UBE2D1: variants seen among roughly 807,000 people sequenced by gnomAD.
UBE2D1 encodes ubiquitin-conjugating enzyme E2 D1.
UBE2D1 carries 9 observed loss-of-function variants against 24.6 expected under a neutral mutation model. That is an observed-to-expected ratio of 0.37 (90% confidence interval 0.22 to 0.64). UBE2D1 has a LOEUF of 0.64. UBE2D1 is among the 30% of genes least tolerant of loss of function. The probability of loss-of-function intolerance (pLI) is 0.64; values close to 1 mark genes in which losing one functional copy is unlikely to be tolerated. For synonymous variants in UBE2D1, 57 were observed against 57.6 expected (o/e 0.99, Z 0.04); for missense variants, 87 against 177.1 (o/e 0.49, Z 2.89).
chr10:58,361,648 A>G, intron 3 of UBE2D1, 122 bp downstream of exon 3: 2 of 1,308,844 alleles, frequency 1.5e-6, no homozygotes. Flanking sequence ...TCACCTAGGA[A>G]GCAAAATATT....
At chr10:58,365,657 A>G (rs1840248120) in intron 5 of UBE2D1, among the ~76,000 whole-genome samples, 2 of 152,188 alleles carry the variant, frequency 1.3e-5, no homozygotes, top group South Asian at 4.1e-4. Context: ...AGCCACTGCT[A>G]CTTACTGTGC....
intron 1 of UBE2D1, among the ~76,000 whole-genome samples, chr10:58,346,010 CT>C (rs972974578): frequency 0.058 from 7,940 of 136,428 alleles, 365 homozygotes; most frequent in African/African-American, 0.14. Flanking sequence ...GGAGCTAATA[CT>C]TTTTTTTTTT....
chr10:58,350,517 A>G (rs1242091278), intron 1 of UBE2D1, among the ~76,000 whole-genome samples: 2 of 152,202 alleles, frequency 1.3e-5, no homozygotes, highest in African/African-American at 4.8e-5. Flanking sequence ...TGTCAGATAC[A>G]TGTAATATTG....
chr10:58,342,734 CTGT>C (rs1839974347), intron 1 of UBE2D1, among the ~76,000 whole-genome samples: 1 of 150,830 alleles, frequency 6.6e-6, no homozygotes, highest in Non-Finnish European at 1.5e-5. Context: ...AGATAGCTTT[CTGT>C]TGTTGATTTC....
intron 1 of UBE2D1, among the ~76,000 whole-genome samples, chr10:58,351,000 A>C (rs1018802914): frequency 9.2e-5 from 14 of 152,210 alleles, no homozygotes; most frequent in Admixed American, 9.2e-4. Flanking sequence ...CTACTCATTA[A>C]AAAGGTACAG....
intron 1 of UBE2D1, among the ~76,000 whole-genome samples, chr10:58,339,427 GGCTGTGTGGCTTACTA>G (rs1839938534): frequency 6.6e-6 from 1 of 152,100 alleles, no homozygotes; most frequent in Non-Finnish European, 1.5e-5. Context: ...TTTTATTCCT[GGCTGTGTGGCTTACTA>G]GCTTCGTACA....
chr10:58,335,258 G>C (rs1196479385), intron 1 of UBE2D1, 33 bp downstream of exon 1: 9 of 1,509,932 alleles, frequency 6.0e-6, no homozygotes, highest in Non-Finnish European at 8.0e-6. Context: ...GGGCTGCGGG[G>C]CAGCGGCCCC....
intron 1 of UBE2D1, among the ~76,000 whole-genome samples, chr10:58,337,793 C>T (rs1248478338): frequency 1.3e-5 from 2 of 151,878 alleles, no homozygotes; most frequent in Non-Finnish European, 2.9e-5. Flanking sequence ...CTGGCCTGTC[C>T]TTATTCAAGG....
Position 58,339,842 on chromosome 10 carries a change from G to A in UBE2D1, c.24+4617G>A, listed in dbSNP as rs116296284. Among the ~76,000 whole-genome samples the A allele has an allele frequency of 7.2e-3, 1,082 of 149,898 alleles. 10 individuals are homozygous for A. The highest frequency in any genetic ancestry group is 0.025 in the African/African-American group (1,001 of 40,532). ...ACAAAAATAGTTGCAGTTACATATC[G>A]CTACTGAAAGCTACCAAACTGCCTA... On this transcript the variant is annotated intron_variant, in intron 1 of 6. Coordinates refer to ENST00000373910, the MANE Select transcript of UBE2D1 (RefSeq NM_003338.5).
chr10:58,362,341 TA>T (rs1176872187), intron 3 of UBE2D1, among the ~76,000 whole-genome samples: 11 of 152,186 alleles, frequency 7.2e-5, no homozygotes, highest in Non-Finnish European at 1.6e-4. Context: ...TGTTTAACTT[TA>T]AAAAACACCA....
intron 6 of UBE2D1, 146 bp downstream of exon 6, chr10:58,368,162 C>T: frequency 1.8e-6 from 1 of 570,684 alleles, no homozygotes; most frequent in Non-Finnish European, 3.0e-6. Flanking sequence ...GTAAACCTTT[C>T]TTTGAGAACT....
chr10:58,350,731 A>G (rs1840065588), intron 1 of UBE2D1, among the ~76,000 whole-genome samples: 1 of 152,164 alleles, frequency 6.6e-6, no homozygotes, highest in Non-Finnish European at 1.5e-5. Flanking sequence ...CCTACAGTCT[A>G]TTTAGGATTG....
intron 1 of UBE2D1, among the ~76,000 whole-genome samples, chr10:58,350,177 C>CAT (rs1206711571): frequency 6.6e-6 from 1 of 152,166 alleles, no homozygotes; most frequent in East Asian, 1.9e-4. Flanking sequence ...AATGCTAGGT[C>CAT]ATAGAGTATT....
At chr10:58,361,594 G>T in intron 3 of UBE2D1, 68 bp downstream of exon 3, 1 of 1,594,638 alleles carries the variant, frequency 6.3e-7, no homozygotes, top group South Asian at 1.1e-5. Context: ...TTTCACCTTT[G>T]ATCAGATGTT....
chr10:58,363,383 G>A (rs1589003780), intron 3 of UBE2D1, among the ~76,000 whole-genome samples: 1 of 152,104 alleles, frequency 6.6e-6, no homozygotes, highest in East Asian at 1.9e-4. Flanking sequence ...TGTCGGCATA[G>A]TTGTTGGAAA....
chr10:58,358,029 C>G (rs1589001654), intron 1 of UBE2D1, among the ~76,000 whole-genome samples: 1 of 151,770 alleles, frequency 6.6e-6, no homozygotes, highest in Non-Finnish European at 1.5e-5. Flanking sequence ...ACAAGATAAC[C>G]TTTGTTTTTA....
chr10:58,357,041 A>G (rs1025344607), intron 1 of UBE2D1, among the ~76,000 whole-genome samples: 2 of 152,114 alleles, frequency 1.3e-5, no homozygotes, highest in Non-Finnish European at 2.9e-5. Flanking sequence ...TGGAATAGGA[A>G]GAAATATTCA....
intron 1 of UBE2D1, among the ~76,000 whole-genome samples, chr10:58,359,102 G>C (rs934544694): frequency 6.6e-6 from 1 of 150,382 alleles, no homozygotes; most frequent in Non-Finnish European, 1.5e-5. Flanking sequence ...ACCTGAGTTT[G>C]TACCTGGCTC....
At chr10:58,339,947 A>C (rs1001739975) in intron 1 of UBE2D1, among the ~76,000 whole-genome samples, 10 of 152,280 alleles carry the variant, frequency 6.6e-5, no homozygotes, top group Admixed American at 6.5e-4. Flanking sequence ...GAGAGCATTC[A>C]CTGAGATTAC....
Sources: allele counts gnomAD v4.1 joint callset (sites outside exome capture counted in the v4.1 genomes callset), GRCh38; gene constraint gnomAD v4.1.1; transcripts MANE v1.5; gene names NCBI Gene and HGNC (gene_info 2026-07-23, HGNC 2026-07-21).